Variants in TRANK1 observed in about 807,000 individuals in gnomAD.
The protein encoded by TRANK1 is TPR and ankyrin repeat-containing protein 1.
Under a neutral mutation model 266.0 loss-of-function variants are expected in TRANK1, and 198 were observed. The observed-to-expected ratio is 0.74, with a 90% CI of 0.66 to 0.84. The LOEUF (loss-of-function observed/expected upper bound fraction) is 0.84. Ranked by LOEUF, TRANK1 falls within the 40% of genes least tolerant of loss-of-function variation. The probability of loss-of-function intolerance (pLI) is 0.00; values close to 1 mark genes in which losing one functional copy is unlikely to be tolerated. For synonymous variants in TRANK1, 1,396 were observed against 1,384.1 expected (o/e 1.01, Z -0.19); for missense variants, 3,326 against 3,634.6 (o/e 0.92, Z 2.18).
chr3:36,833,963 T>C, intron 21 of TRANK1, 44 bp from the exon 22 acceptor site: 3 of 1,532,808 alleles, frequency 2.0e-6, no homozygotes, highest in Non-Finnish European at 2.6e-6. Flanking sequence ...CATCACCCAA[T>C]CAATAGAAAA....
intron 1 of TRANK1, among the ~76,000 whole-genome samples, chr3:36,934,901 C>T (rs2080404144): frequency 6.6e-6 from 1 of 152,138 alleles, no homozygotes; most frequent in African/African-American, 2.4e-5. Context: ...TCACACACAC[C>T]CTCCAGAGGT....
At chr3:36,913,262 A>T (rs931320656) in intron 1 of TRANK1, among the ~76,000 whole-genome samples, 1 of 151,976 alleles carries the variant, frequency 6.6e-6, no homozygotes, top group African/African-American at 2.4e-5. Context: ...TGTTGGCCAG[A>T]CTGGTCTCGA....
intron 1 of TRANK1, among the ~76,000 whole-genome samples, chr3:36,940,417 G>T (rs571066709): frequency 5.3e-5 from 8 of 151,740 alleles, no homozygotes; most frequent in African/African-American, 1.9e-4. Context: ...GGAGAATGGC[G>T]TGAACCTGGG....
rs917277111 is a variant in TRANK1 at position 36,833,874 on chromosome 3, G to A, written c.5709C>T (p.Leu1903=). ...LKTKTLPISK[L]SYSASQFYLE... The stretch of plus-strand genomic sequence containing the variant: ...AGTAAAACTGACTGGCAGAATAGGA[G>A]AGCTTGGAAATGGGAAGGGTCTTAG... The change falls in exon 22 of 24, where the codon CTC becomes CTT. Residue 1903 remains leucine, a synonymous_variant. Coordinates refer to ENST00000645898, the MANE Select transcript of TRANK1 (RefSeq NM_001329998.2). 1 of 1,613,746 alleles carries A rather than the reference G, an allele frequency of 6.2e-7. No homozygotes were observed. Among genetic ancestry groups the A allele is most frequent in the Non-Finnish European group, 8.5e-7 (1 of 1,179,862 alleles).
chr3:36,903,658 GGT>G (rs2125624986), intron 2 of TRANK1, among the ~76,000 whole-genome samples: 1 of 152,300 alleles, frequency 6.6e-6, no homozygotes, highest in Non-Finnish European at 1.5e-5. Flanking sequence ...CCATAGTCTT[GGT>G]ACCCACAGTG....
chr3:36,933,557 C>T (rs964473687), intron 1 of TRANK1, among the ~76,000 whole-genome samples: 2 of 152,192 alleles, frequency 1.3e-5, no homozygotes, highest in Non-Finnish European at 2.9e-5. Flanking sequence ...TCCTAGCATC[C>T]ACCCCAGCAC....
At position 36,855,976 on chromosome 3, in the gene TRANK1, AGCT is replaced by A. The variant is rs1398292312; in HGVS notation, c.3743_3745del (p.Gln1248del). The A allele has an allele frequency of 3.1e-6, 5 of 1,613,670 alleles. No individual in the cohort carries two copies. The Admixed American group carries it at 6.7e-5, about 22-fold the overall frequency. On this transcript the variant is annotated inframe_deletion, in exon 13 of 24. Transcript: ENST00000645898. ...CAGAGAAGCATCAAGCAGAAGAAGC[AGCT>A]GCTTGGAAGTGACAAACAGAGGAAA...
intron 1 of TRANK1, among the ~76,000 whole-genome samples, chr3:36,940,029 T>C (rs1169070789): frequency 6.6e-6 from 1 of 151,946 alleles, no homozygotes; most frequent in African/African-American, 2.4e-5. Flanking sequence ...TAGCTAGGAC[T>C]ACAGGTGTGC....
intron 1 of TRANK1, among the ~76,000 whole-genome samples, chr3:36,911,009 G>T (rs1280159617): frequency 2.0e-5 from 3 of 152,106 alleles, no homozygotes; most frequent in African/African-American, 7.2e-5. Context: ...GGCAGAGGTT[G>T]CAGTGAGCCA....
chr3:36,928,198 G>A (rs771489513), intron 1 of TRANK1, among the ~76,000 whole-genome samples: 6 of 152,104 alleles, frequency 3.9e-5, no homozygotes, highest in African/African-American at 7.2e-5. Flanking sequence ...ACCAAGGTAC[G>A]CCCAATAAAA....
chr3:36,942,109 C>T (rs1451251069), intron 1 of TRANK1, among the ~76,000 whole-genome samples: 2 of 152,152 alleles, frequency 1.3e-5, no homozygotes, highest in Non-Finnish European at 2.9e-5. Context: ...TAATCTTCAT[C>T]CCCAAAAGCA....
intron 12 of TRANK1, among the ~76,000 whole-genome samples, 184 bp downstream of exon 12, chr3:36,858,534 T>A (rs2079090417): frequency 2.0e-5 from 3 of 152,214 alleles, no homozygotes; most frequent in African/African-American, 4.8e-5. Context: ...CCACTCACCA[T>A]GGTGGTCACT....
chr3:36,929,883 ATTGTTGTTGTTGTTGTTGTTGTTG>A (rs201004320), intron 1 of TRANK1, among the ~76,000 whole-genome samples: 1 of 148,940 alleles, frequency 6.7e-6, no homozygotes, highest in Non-Finnish European at 1.5e-5. Flanking sequence ...GATGCAGCAG[ATTGTTGTTGTTGTTGTTGTTGTTG>A]TTGTTGTTGT....
rs898643935 is a variant in TRANK1, at chr3:36,858,012, A to T, written c.1710T>A (p.Asp570Glu). ...ATTCAGTGGGGTTGGACCAAAACAG[A>T]TCCAACAGATGGCTGAGGAAGCTAA... ...IGFSFLSHLL[D>E]LFWSNPTEFD... The change falls in exon 13 of 24, where the codon GAT (aspartate) becomes GAA (glutamate). Residue 570 changes from aspartate (D) to glutamate (E), a missense_variant. Transcript: ENST00000645898. 1.9e-6 allele frequency: 3 copies of T among 1,586,866 alleles called. No individual in the cohort carries two copies. The highest frequency in any genetic ancestry group is 2.6e-6 in the Non-Finnish European group (3 of 1,172,754).
At chr3:36,867,567 G>C (rs2125563860) in intron 9 of TRANK1, among the ~76,000 whole-genome samples, 1 of 152,304 alleles carries the variant, frequency 6.6e-6, no homozygotes, top group South Asian at 2.1e-4. Flanking sequence ...TTACTTCACT[G>C]ATCTTTTCTG....
At position 36,855,505 on chromosome 3, in the gene TRANK1, C is replaced by A; in HGVS notation, c.4217G>T (p.Gly1406Val). ...SLYQQIRSQK[G>V]YFDEEDVLYN... Reference sequence around the variant, plus strand: ...CAGAACATCCTCTTCATCAAAATAACCTTTCTGGGACCTGATTTGCTGATA... The same window carrying A: ...CAGAACATCCTCTTCATCAAAATAAACTTTCTGGGACCTGATTTGCTGATA... Residue 1406 changes from glycine to valine, a missense_variant, in exon 13 of 24, where the codon GGT becomes GTT. By Grantham distance (109) the Gly-to-Val change is moderately radical. Transcript: ENST00000645898. 1 of 1,613,972 alleles carries A rather than the reference C, an allele frequency of 6.2e-7. No individual in the cohort carries two copies. Among genetic ancestry groups the A allele is most frequent in the Non-Finnish European group, 8.5e-7 (1 of 1,179,880 alleles).
At chr3:36,902,008 A>G (rs1353990480) in intron 3 of TRANK1, among the ~76,000 whole-genome samples, 1 of 152,228 alleles carries the variant, frequency 6.6e-6, no homozygotes, top group East Asian at 1.9e-4. Context: ...TAGTCAATAA[A>G]TTCTAAAGCA....
At chr3:36,867,273 G>T (rs2079241132) in intron 9 of TRANK1, among the ~76,000 whole-genome samples, 1 of 152,094 alleles carries the variant, frequency 6.6e-6, no homozygotes, top group Non-Finnish European at 1.5e-5. Flanking sequence ...CTGCTTGTCT[G>T]CCTGATAGAA....
At chr3:36,921,505 C>T (rs536113504) in intron 1 of TRANK1, among the ~76,000 whole-genome samples, 55 of 152,238 alleles carry the variant, frequency 3.6e-4, no homozygotes, top group African/African-American at 1.3e-3. Flanking sequence ...TCTGTAACAC[C>T]ATCCTAAGCA....
Sources: gnomAD v4.1 joint callset for allele counts (sites outside exome capture counted in the v4.1 genomes callset) on GRCh38, gnomAD v4.1.1 for gene constraint, MANE v1.5 for transcripts, NCBI Gene and HGNC (gene_info 2026-07-23, HGNC 2026-07-21) for gene names.